PJA2: variants seen among roughly 807,000 people sequenced by gnomAD.
PJA2 encodes the protein praja ring finger ubiquitin ligase 2.
In PJA2, 25 loss-of-function variants were observed where a neutral mutation model predicts 69.3. The observed-to-expected ratio is 0.36, with a 90% CI of 0.26 to 0.50. The LOEUF (loss-of-function observed/expected upper bound fraction) is 0.50, where lower values mean the gene tolerates loss of function less well. PJA2 is among the 20% of genes least tolerant of loss of function. The pLI, the probability that PJA2 is intolerant of heterozygous loss-of-function variation, is 0.96. For missense variants in PJA2, 809 were observed against 830.2 expected (o/e 0.97, Z 0.31); for synonymous variants, 308 against 277.8 (o/e 1.11, Z -1.08).
chr5:109,357,175 T>G (rs1448842138), intron 6 of PJA2, among the ~76,000 whole-genome samples: 2 of 152,192 alleles, frequency 1.3e-5, no homozygotes, highest in African/African-American at 4.8e-5. Flanking sequence ...TGAGTAGATG[T>G]ACTCCTACCA....
At chr5:109,396,820 C>G (rs562672279) in intron 1 of PJA2, among the ~76,000 whole-genome samples, 6 of 148,512 alleles carry the variant, frequency 4.0e-5, no homozygotes, top group Non-Finnish European at 8.9e-5. Flanking sequence ...GGAAAATAAC[C>G]GATACCAATG....
rs571154357 is a variant in PJA2, at chr5:109,336,567, C to T, written c.*664G>A. On this transcript the variant is annotated 3_prime_UTR_variant, in exon 10 of 10. Coordinates refer to ENST00000361189, the MANE Select transcript of PJA2 (RefSeq NM_014819.5). Reference sequence around the variant, plus strand: ...TTCTTTGTATGCTTTACTAACCTTACGTTAAGCACATCCACTGGTTTCATT... The same window carrying T: ...TTCTTTGTATGCTTTACTAACCTTATGTTAAGCACATCCACTGGTTTCATT... 4 of 152,114 alleles carry T rather than the reference C, an allele frequency of 2.6e-5. No homozygotes were observed. In the East Asian group the frequency reaches 7.7e-4, roughly 29 times the overall value. 9.4% of individuals were successfully genotyped at this position (152,114 alleles called of 1,614,324 possible).
intron 1 of PJA2, among the ~76,000 whole-genome samples, chr5:109,403,570 A>C (rs1747611903): frequency 6.6e-6 from 1 of 152,004 alleles, no homozygotes; most frequent in Non-Finnish European, 1.5e-5. Flanking sequence ...AAAAAAAAAA[A>C]ATTTCACCAA....
rs1356475996 is a variant in PJA2 at position 109,343,292 on chromosome 5, AGAAAG to A, written c.2001+893_2001+897del. On this transcript the variant is annotated intron_variant, in intron 9 of 9. Coordinates refer to ENST00000361189, the MANE Select transcript of PJA2 (RefSeq NM_014819.5). Reference sequence around the variant, plus strand: ...GCGGTGCAAAAAAAAAAAAAAAAAAAGAAAGAAAGAAAGAAAGAAAAAAAGAAAAT... The same window carrying A: ...GCGGTGCAAAAAAAAAAAAAAAAAAAAAAGAAAGAAAGAAAAAAAGAAAAT... Among the ~76,000 whole-genome samples the A allele has an allele frequency of 7.7e-4, 24 of 31,110 alleles. 1 individual carries two copies. Among genetic ancestry groups the A allele is most frequent in the African/African-American group, 1.9e-3 (18 of 9,352 alleles). 20.4% of individuals were successfully genotyped at this position (31,110 alleles called of 152,430 possible).
chr5:109,394,129 C>A (rs1747351204), intron 1 of PJA2, among the ~76,000 whole-genome samples: 1 of 136,064 alleles, frequency 7.3e-6, no homozygotes, highest in Non-Finnish European at 1.5e-5. Flanking sequence ...CTCACTGCAA[C>A]ATCCGCCTCC....
chr5:109,339,389 T>C (rs1762001605), intron 9 of PJA2, among the ~76,000 whole-genome samples: 2 of 152,190 alleles, frequency 1.3e-5, no homozygotes, highest in African/African-American at 4.8e-5. Context: ...ACTTGACCAC[T>C]ACATAACCTA....
intron 6 of PJA2, among the ~76,000 whole-genome samples, chr5:109,357,817 A>T (rs765136562): frequency 2.0e-5 from 3 of 152,206 alleles, no homozygotes; most frequent in Non-Finnish European, 2.9e-5. Flanking sequence ...AAACAACATA[A>T]ATTGTGTCTT....
At chr5:109,394,039 CTTTT>C (rs75679188) in intron 1 of PJA2, among the ~76,000 whole-genome samples, 4 of 81,858 alleles carry the variant, frequency 4.9e-5, no homozygotes, top group Non-Finnish European at 9.8e-5. Context: ...TTCTAATTCT[CTTTT>C]TTTTTTTTTT....
At chr5:109,400,995 C>G (rs1747531707) in intron 1 of PJA2, among the ~76,000 whole-genome samples, 1 of 150,870 alleles carries the variant, frequency 6.6e-6, no homozygotes, top group South Asian at 2.1e-4. Flanking sequence ...AAACAAAAAA[C>G]AAAACAACAA....
At chr5:109,380,855 T>C in intron 3 of PJA2, among the ~76,000 whole-genome samples, 1 of 144,126 alleles carries the variant, frequency 6.9e-6, no homozygotes, top group East Asian at 2.1e-4. Context: ...ACACCTGTAA[T>C]CCCAGCACTT....
At chr5:109,348,891 A>T (rs1762209097) in intron 7 of PJA2, among the ~76,000 whole-genome samples, 1 of 152,280 alleles carries the variant, frequency 6.6e-6, no homozygotes, top group Non-Finnish European at 1.5e-5. Flanking sequence ...GTATCTGCTT[A>T]TTTATATATG....
rs2127006771 is a variant in PJA2 at position 109,379,248 on chromosome 5, C to G, written c.239G>C (p.Ser80Thr). The G allele has an allele frequency of 1.3e-6, 2 of 1,580,802 alleles. No homozygotes were observed. Among genetic ancestry groups the G allele is most frequent in the South Asian group, 1.2e-5 (1 of 86,028 alleles). ...AGAAGAATCAACTTGATCCAAAGGA[C>G]TGGAACCTTCATAAAAAACAAAAGA... is the stretch of plus-strand genomic sequence containing the variant. ...DVPKENSSGS[S>T]PLDQVDSSLP... Residue 80 changes from serine (S) to threonine (T), a missense_variant, in exon 4 of 10, where the codon AGT becomes ACT. Physicochemically the swap from Ser to Thr is moderately conservative, Grantham distance 58. Transcript: ENST00000361189.
chr5:109,391,243 G>GC (rs1190365050), intron 1 of PJA2, among the ~76,000 whole-genome samples: 2 of 152,090 alleles, frequency 1.3e-5, no homozygotes, highest in African/African-American at 4.8e-5. Context: ...CTACATGTAA[G>GC]CCCCACCAAA....
In PJA2 at chr5:109,352,890, T is replaced by G. The variant is rs185537152; in HGVS notation, c.1764+3025A>C. On this transcript the variant is annotated intron_variant, in intron 7 of 9. Coordinates refer to ENST00000361189, the MANE Select transcript of PJA2 (RefSeq NM_014819.5). ...CATCTATATATTAGATATCTATATC[T>G]ATAGACATCTATATATTAGATACCT... Among the ~76,000 whole-genome samples the G allele has an allele frequency of 1.4e-4, 21 of 149,232 alleles. 1 individual carries two copies. Among genetic ancestry groups the G allele is most frequent in the Admixed American group, 1.3e-3 (20 of 14,822 alleles).
intron 9 of PJA2, among the ~76,000 whole-genome samples, chr5:109,339,753 A>G (rs1391312400): frequency 6.6e-6 from 1 of 152,196 alleles, no homozygotes; most frequent in African/African-American, 2.4e-5. Flanking sequence ...TACTTTTCCT[A>G]TATGTTTACT....
chr5:109,378,713 C>G lies in PJA2; in HGVS notation c.774G>C (p.Arg258Ser). The G allele has an allele frequency of 6.2e-7, 1 of 1,613,368 alleles. No individual in the cohort carries two copies. ...FVHQNSQEIQ[R>S]SSQDEMVSTK... is the part of the protein sequence containing the mutation. ...TACTAACCATTTCATCTTGAGAAGA[C>G]CTCTGAATTTCCTGGCTATTCTGAT... Residue 258 changes from arginine to serine, a missense_variant, in exon 4 of 10, where the codon AGG becomes AGC. Physicochemically the swap from Arg to Ser is moderately radical, Grantham distance 110. This residue lies in a region of PJA2 where 700 missense variants were observed against 639.5 expected (regional missense o/e 1.09). Coordinates refer to ENST00000361189, the MANE Select transcript of PJA2 (RefSeq NM_014819.5).
chr5:109,388,271 C>T (rs1350326809), intron 1 of PJA2, among the ~76,000 whole-genome samples: 4 of 152,114 alleles, frequency 2.6e-5, no homozygotes, highest in Non-Finnish European at 5.9e-5. Flanking sequence ...CTAAGGTCTT[C>T]CGGCAACAGC....
At chr5:109,398,174 G>A (rs969923042) in intron 1 of PJA2, among the ~76,000 whole-genome samples, 1 of 152,198 alleles carries the variant, frequency 6.6e-6, no homozygotes, top group African/African-American at 2.4e-5. Flanking sequence ...AGAGGATGTG[G>A]AGAAATAGGA....
At chr5:109,370,758 C>A (rs1762662864) in intron 4 of PJA2, among the ~76,000 whole-genome samples, 2 of 152,134 alleles carry the variant, frequency 1.3e-5, no homozygotes, top group Admixed American at 6.6e-5. Context: ...AAATTACCAA[C>A]TCCTATTTTA....
Sources: allele counts gnomAD v4.1 joint callset (sites outside exome capture counted in the v4.1 genomes callset), GRCh38; gene constraint gnomAD v4.1.1; regional missense constraint gnomAD v4.1.1; transcripts MANE v1.5; gene names NCBI Gene and HGNC (gene_info 2026-07-23, HGNC 2026-07-21).